The following DOCK4 variants were observed in gnomAD, a reference collection of about 807,000 sequenced individuals.
DOCK4 encodes dedicator of cytokinesis 4, also known as dedicator of cytokinesis protein 4.
A neutral mutation model predicts 268.1 loss-of-function variants in DOCK4; 97 were observed. That is an observed-to-expected ratio of 0.36 (90% CI 0.31 to 0.43). The LOEUF is 0.43. DOCK4 is among the 20% of genes least tolerant of loss of function. The pLI is 1.00. For synonymous variants in DOCK4, 954 were observed against 887.2 expected, an observed-to-expected ratio of 1.08 and a Z score of -1.34; for missense variants, 2,145 against 2,455.7, an observed-to-expected ratio of 0.87 and a Z score of 2.67.
At chr7:112,018,179 A>AAAAAAAAAAAAAAAAAAACACACAC in intron 1 of DOCK4, among the ~76,000 whole-genome samples, 1 of 72,630 alleles carries the variant, frequency 1.4e-5, no homozygotes, top group African/African-American at 5.4e-5. Flanking sequence ...AAAAAAAAAA[A>AAAAAAAAAAAAAAAAAAACACACAC]ACACAGGCAA....
intron 1 of DOCK4, among the ~76,000 whole-genome samples, chr7:112,078,245 A>G (rs1243345623): frequency 1.3e-5 from 2 of 152,130 alleles, no homozygotes; most frequent in Non-Finnish European, 2.9e-5. Context: ...CTTTCCTTGA[A>G]AACAAACACA....
chr7:111,857,681 A>G (rs1365740336), intron 23 of DOCK4, among the ~76,000 whole-genome samples: 5 of 152,198 alleles, frequency 3.3e-5, no homozygotes, highest in Non-Finnish European at 5.9e-5. Flanking sequence ...TGTAAAACCC[A>G]CAGCTCTAGC....
chr7:111,835,024 A>ATTT (rs1470816821), intron 25 of DOCK4, among the ~76,000 whole-genome samples: 1 of 152,188 alleles, frequency 6.6e-6, no homozygotes, highest in Non-Finnish European at 1.5e-5. Flanking sequence ...CTGAGCATTT[A>ATTT]ACATGTCTGT....
intron 1 of DOCK4, among the ~76,000 whole-genome samples, chr7:112,149,712 C>T (rs10260793): frequency 0.47 from 71,184 of 152,018 alleles, 16,971 homozygotes; most frequent in South Asian, 0.65. Context: ...AGTGTCTCTT[C>T]TATGAATTCA....
At chr7:111,801,816 A>G (rs1485946333) in intron 30 of DOCK4, 2 of 150,380 alleles carry the variant, frequency 1.3e-5, no homozygotes, top group Non-Finnish European at 2.9e-5. Flanking sequence ...CGGCCTCCCA[A>G]GTATCTGGGA....
At chr7:112,149,502 T>C (rs534870462) in intron 1 of DOCK4, among the ~76,000 whole-genome samples, 3 of 150,764 alleles carry the variant, frequency 2.0e-5, no homozygotes, top group African/African-American at 7.3e-5. Flanking sequence ...AAATGACTTA[T>C]AAAGAGGTTT....
intron 15 of DOCK4, among the ~76,000 whole-genome samples, chr7:111,897,628 T>C (rs1034550098): frequency 9.4e-5 from 14 of 149,424 alleles, no homozygotes; most frequent in African/African-American, 3.2e-4. Context: ...ATAGTGGGAG[T>C]ATCTACACCA....
chr7:111,997,773 C>T (rs778002791), intron 4 of DOCK4, among the ~76,000 whole-genome samples: 11 of 151,576 alleles, frequency 7.3e-5, no homozygotes, highest in Non-Finnish European at 1.5e-4. Context: ...GTGTCTAAAT[C>T]CATGGCCCCT....
chr7:111,944,717 T>C (rs1795479388), intron 10 of DOCK4, 94 bp downstream of exon 10: 14 of 1,227,974 alleles, frequency 1.1e-5, no homozygotes, highest in African/African-American at 1.5e-5. Flanking sequence ...ATCTTTCTGA[T>C]TCAGACAGCA....
chr7:112,095,750 T>C (rs1386416092), intron 1 of DOCK4, among the ~76,000 whole-genome samples: 1 of 151,718 alleles, frequency 6.6e-6, no homozygotes, highest in African/African-American at 2.4e-5. Context: ...AATTTAAGTG[T>C]GCTTTGTAAT....
At chr7:112,081,866 GA>G in intron 1 of DOCK4, among the ~76,000 whole-genome samples, 1 of 152,276 alleles carries the variant, frequency 6.6e-6, no homozygotes, top group African/African-American at 2.4e-5. Flanking sequence ...AAGACCAAAA[GA>G]GGAAGATCAC....
At chr7:111,798,568 A>G (rs1439179138) in intron 30 of DOCK4, among the ~76,000 whole-genome samples, 1 of 152,192 alleles carries the variant, frequency 6.6e-6, no homozygotes. Flanking sequence ...TACTAGGCAA[A>G]AAAAGCCTCC....
chr7:111,947,023 G>T (rs1244932768), intron 8 of DOCK4, among the ~76,000 whole-genome samples: 9 of 152,172 alleles, frequency 5.9e-5, no homozygotes, highest in Non-Finnish European at 1.5e-5. Flanking sequence ...TGGTATCAAT[G>T]ACAGAATTAA....
chr7:112,120,050 T>C (rs530331904), intron 1 of DOCK4, among the ~76,000 whole-genome samples: 78 of 152,258 alleles, frequency 5.1e-4, no homozygotes, highest in African/African-American at 1.5e-3. Context: ...GGTTTCACCA[T>C]GTTAGCCAGG....
chr7:112,175,595 T>C (rs1043702307), intron 1 of DOCK4, among the ~76,000 whole-genome samples: 4 of 144,914 alleles, frequency 2.8e-5, no homozygotes, highest in Non-Finnish European at 5.9e-5. Flanking sequence ...CATAAAACTC[T>C]CATATTTTTT....
At chr7:112,033,369 C>CA (rs1388094621) in intron 1 of DOCK4, among the ~76,000 whole-genome samples, 1 of 152,102 alleles carries the variant, frequency 6.6e-6, no homozygotes, top group Non-Finnish European at 1.5e-5. Flanking sequence ...AACCCCACCA[C>CA]AAAAAGCAAA....
Position 112,162,970 on chromosome 7 carries a change from T to G in DOCK4, c.37+43132A>C, listed in dbSNP as rs78082577. The stretch of plus-strand genomic sequence containing the variant: ...TTTGTTCATTATACTGTATGCAACG[T>G]AACACTGCCTGAGTGTGGGGAGCCA... On this transcript the variant is annotated intron_variant, in intron 1 of 52. Transcript: ENST00000428084. Among the ~76,000 whole-genome samples, 1,117 of 152,294 alleles carry G rather than the reference T, an allele frequency of 7.3e-3. 19 individuals carry two copies. The highest frequency in any genetic ancestry group is 0.026 in the African/African-American group (1,067 of 41,574).
At chr7:111,851,139 C>A (rs1222002440) in intron 23 of DOCK4, among the ~76,000 whole-genome samples, 2 of 151,984 alleles carry the variant, frequency 1.3e-5, no homozygotes, top group Non-Finnish European at 2.9e-5. Context: ...AATGCAAAGG[C>A]TAAAGGTATA....
chr7:112,070,955 T>C (rs189285139), intron 1 of DOCK4, among the ~76,000 whole-genome samples: 94 of 152,276 alleles, frequency 6.2e-4, no homozygotes, highest in African/African-American at 1.9e-3. Context: ...ATGTGAGCCA[T>C]TCAGCTACGA....
Sources: gnomAD v4.1 joint callset for allele counts (sites outside exome capture counted in the v4.1 genomes callset) on GRCh38, gnomAD v4.1.1 for gene constraint, MANE v1.5 for transcripts, NCBI Gene and HGNC (gene_info 2026-07-23, HGNC 2026-07-21) for gene names.